The following LRRC17 variants were observed in gnomAD, a reference collection of about 807,000 sequenced individuals.
LRRC17 encodes leucine rich repeat containing 17.
A neutral mutation model predicts 41.5 loss-of-function variants in LRRC17; 33 were observed. The observed-to-expected ratio is 0.80, with a 90% CI of 0.60 to 1.06. LRRC17 has a LOEUF of 1.06. Among genes scored for constraint, LRRC17 ranks in the 50% least tolerant of loss-of-function variants. LRRC17 has a pLI of 0.00. For missense variants in LRRC17, 491 were observed against 519.3 expected, an observed-to-expected ratio of 0.95 and a Z score of 0.53; for synonymous variants, 192 against 197.0, an observed-to-expected ratio of 0.97 and a Z score of 0.21.
intron 1 of LRRC17, among the ~76,000 whole-genome samples, chr7:102,926,934 T>C (rs1462718317): frequency 2.0e-5 from 3 of 152,160 alleles, no homozygotes; most frequent in Admixed American, 1.3e-4. Flanking sequence ...AAGTTTGAGA[T>C]GGCTAAAATA....
In LRRC17 at chr7:102,933,882, C is replaced by T. The variant is rs755454174; in HGVS notation, c.-32C>T. ...AATACTTTCATTGTTCCGTCTGTAA[C>T]ACGAAGTAATTGGGGCCAGCTGGAT... On this transcript the variant is annotated 5_prime_UTR_variant, in exon 2 of 4. Transcript: ENST00000339431. 8 of 1,557,180 alleles carry T rather than the reference C, an allele frequency of 5.1e-6. No individual in the cohort carries two copies. The highest frequency in any genetic ancestry group is 7.0e-6 in the Non-Finnish European group (8 of 1,149,482).
At chr7:102,924,512 A>T (rs1817679830) in intron 1 of LRRC17, among the ~76,000 whole-genome samples, 1 of 152,128 alleles carries the variant, frequency 6.6e-6, no homozygotes, top group Non-Finnish European at 1.5e-5. Flanking sequence ...TTGACTAAAA[A>T]TGTGACAGCT....
At chr7:102,917,696 T>C (rs926682074) in intron 1 of LRRC17, among the ~76,000 whole-genome samples, 1 of 152,132 alleles carries the variant, frequency 6.6e-6, no homozygotes, top group Admixed American at 6.5e-5. Flanking sequence ...ACCTAGACCT[T>C]AAGCATGTCA....
intron 1 of LRRC17, chr7:102,926,181 A>G: frequency 9.9e-7 from 1 of 1,005,770 alleles, no homozygotes; most frequent in Non-Finnish European, 1.5e-6. Context: ...GGGTGTTGAT[A>G]AAGGGAGCAC....
rs2129476086 is a variant in LRRC17 at position 102,944,608 on chromosome 7, G to T, written c.*1G>T. 2 of 1,582,900 alleles carry T rather than the reference G, an allele frequency of 1.3e-6. No homozygotes were observed. The highest frequency in any genetic ancestry group is 4.5e-5 in the East Asian group (2 of 44,604). Reference sequence around the variant, plus strand: ...CGTAATAATTACTATAGTAGGATAAGGTAGAAATTGTTCTGATTGTAATTA... The same window carrying T: ...CGTAATAATTACTATAGTAGGATAATGTAGAAATTGTTCTGATTGTAATTA... On this transcript the variant is annotated 3_prime_UTR_variant, in exon 4 of 4. Transcript: ENST00000339431.
At chr7:102,942,290 G>A in intron 3 of LRRC17, 3 of 1,597,126 alleles carry the variant, frequency 1.9e-6, no homozygotes, top group Non-Finnish European at 2.6e-6. Context: ...TATATTTCAG[G>A]GTCTTTGAGA....
intron 2 of LRRC17, among the ~76,000 whole-genome samples, chr7:102,939,196 T>C (rs1368764966): frequency 2.0e-5 from 3 of 152,208 alleles, no homozygotes; most frequent in Non-Finnish European, 2.9e-5. Flanking sequence ...TATAGGGCCT[T>C]AGTGAGGACT....
At chr7:102,915,986 T>A (rs1329793090) in intron 1 of LRRC17, among the ~76,000 whole-genome samples, 1 of 139,216 alleles carries the variant, frequency 7.2e-6, no homozygotes, top group Non-Finnish European at 1.5e-5. Context: ...AGTTTCTTCT[T>A]TTTTTTTTTT....
chr7:102,926,296 T>C, intron 1 of LRRC17: 1 of 1,613,888 alleles, frequency 6.2e-7, no homozygotes, highest in Admixed American at 1.7e-5. Flanking sequence ...CGCATCGTCC[T>C]GTTGGTGATA....
At position 102,913,061 on chromosome 7, in the gene LRRC17, G is replaced by T; in HGVS notation, c.-225G>T. On this transcript the variant is annotated 5_prime_UTR_variant, in exon 1 of 4. Transcript: ENST00000339431. Reference sequence around the variant, plus strand: ...CTGGAGAACTTCCTCACACACCGCAGCAAAGAGAAGACTGAAAGACAAACC... The same window carrying T: ...CTGGAGAACTTCCTCACACACCGCATCAAAGAGAAGACTGAAAGACAAACC... The T allele has an allele frequency of 6.2e-7, 1 of 1,613,942 alleles. No individual in the cohort carries two copies. The highest frequency in any genetic ancestry group is 8.5e-7 in the Non-Finnish European group (1 of 1,179,894).
intron 1 of LRRC17, chr7:102,933,341 G>T (rs1217568680): frequency 6.6e-6 from 1 of 152,120 alleles, no homozygotes; most frequent in East Asian, 1.9e-4. Flanking sequence ...GCATCTCAAG[G>T]CTGTGTTCTT....
chr7:102,932,622 T>C (rs1585007907), intron 1 of LRRC17, among the ~76,000 whole-genome samples: 1 of 13,736 alleles, frequency 7.3e-5, no homozygotes, highest in Middle Eastern at 0.062. Flanking sequence ...TGAGACAGGA[T>C]CTTGCTCTGT....
chr7:102,913,115 T>C lies in LRRC17; in HGVS notation c.-171T>C. 3 of 1,613,970 alleles carry C rather than the reference T, an allele frequency of 1.9e-6. No individual in the cohort carries two copies. Among genetic ancestry groups the C allele is most frequent in the Middle Eastern group, 3.3e-4 (2 of 6,062 alleles). ...GTGCAGCCAGAGAGGTCCAGATAGA[T>C]GAGCTTGTGGCATCCATTCCCCAAG... is the stretch of plus-strand genomic sequence containing the variant. On this transcript the variant is annotated 5_prime_UTR_variant, in exon 1 of 4. An upstream start codon of the reference 5' UTR is lost. Coordinates refer to ENST00000339431, the MANE Select transcript of LRRC17 (RefSeq NM_001031692.3).
intron 3 of LRRC17, chr7:102,942,344 T>C: frequency 6.3e-7 from 1 of 1,582,234 alleles, no homozygotes; most frequent in Non-Finnish European, 8.6e-7. Flanking sequence ...TTTGCTGTGG[T>C]AAGTATACAA....
intron 1 of LRRC17, among the ~76,000 whole-genome samples, chr7:102,929,523 G>A (rs1302210319): frequency 4.6e-5 from 7 of 151,984 alleles, no homozygotes; most frequent in Admixed American, 3.3e-4. Context: ...AATTAGCCAG[G>A]TGCAGTGGCA....
intron 2 of LRRC17, among the ~76,000 whole-genome samples, chr7:102,936,480 A>C (rs1820334251): frequency 6.6e-6 from 1 of 152,208 alleles, no homozygotes; most frequent in Admixed American, 6.5e-5. Context: ...GAGTAAGTAA[A>C]TGTAGTTTTT....
At chr7:102,929,402 C>T (rs2129472627) in intron 1 of LRRC17, among the ~76,000 whole-genome samples, 1 of 152,276 alleles carries the variant, frequency 6.6e-6, no homozygotes, top group South Asian at 2.1e-4. Flanking sequence ...TGTCTCACGC[C>T]TGTAATCCCA....
chr7:102,936,417 G>A (rs1377545678), intron 2 of LRRC17: 1 of 152,184 alleles, frequency 6.6e-6, no homozygotes, highest in Admixed American at 6.6e-5. Flanking sequence ...ATTAATCTGA[G>A]CATATTCAAA....
At chr7:102,916,123 A>G (rs1005541156) in intron 1 of LRRC17, among the ~76,000 whole-genome samples, 12 of 152,154 alleles carry the variant, frequency 7.9e-5, no homozygotes, top group African/African-American at 2.7e-4. Context: ...AGCTGGGATT[A>G]CAGGCACCCA....
Sources: allele counts gnomAD v4.1 joint callset (sites outside exome capture counted in the v4.1 genomes callset), GRCh38; gene constraint gnomAD v4.1.1; transcripts MANE v1.5; gene names NCBI Gene and HGNC (gene_info 2026-07-23, HGNC 2026-07-21).